The following CNTNAP2 variants were observed in gnomAD, a reference collection of about 807,000 sequenced individuals.
CNTNAP2 encodes the protein contactin associated protein 2.
Under a neutral mutation model 155.2 loss-of-function variants are expected in CNTNAP2, and 98 were observed. That is an observed-to-expected ratio of 0.63 (90% confidence interval 0.54 to 0.75). CNTNAP2 has a LOEUF of 0.75. Among genes scored for constraint, CNTNAP2 ranks in the 30% least tolerant of loss-of-function variants. The pLI is 0.00. For missense variants in CNTNAP2, 1,727 were observed against 1,688.1 expected, an observed-to-expected ratio of 1.02 and a Z score of -0.40; for synonymous variants, 651 against 631.2, an observed-to-expected ratio of 1.03 and a Z score of -0.47.
At chr7:146,866,799 G>A (rs1279536779) in intron 3 of CNTNAP2, among the ~76,000 whole-genome samples, 1 of 152,056 alleles carries the variant, frequency 6.6e-6, no homozygotes, top group Admixed American at 6.6e-5. Flanking sequence ...CAATATTTCT[G>A]CAATCAATTA....
intron 11 of CNTNAP2, among the ~76,000 whole-genome samples, chr7:147,540,023 A>G (rs1799612228): frequency 1.3e-5 from 2 of 152,196 alleles, no homozygotes; most frequent in South Asian, 4.1e-4. Context: ...TCTCATGTCT[A>G]GGCTGATACC....
chr7:148,053,387 T>C (rs1802930592), intron 15 of CNTNAP2, among the ~76,000 whole-genome samples: 1 of 152,188 alleles, frequency 6.6e-6, no homozygotes, highest in African/African-American at 2.4e-5. Context: ...CTAGGAAATG[T>C]ATGTATCTCA....
chr7:146,505,550 C>T (rs1009107281), intron 1 of CNTNAP2, among the ~76,000 whole-genome samples: 1 of 152,168 alleles, frequency 6.6e-6, no homozygotes, highest in Non-Finnish European at 1.5e-5. Flanking sequence ...TGGAGACTTC[C>T]TTCCCTGGCC....
chr7:146,668,719 A>G (rs1800244358), intron 1 of CNTNAP2, among the ~76,000 whole-genome samples: 1 of 152,010 alleles, frequency 6.6e-6, no homozygotes, highest in South Asian at 2.1e-4. Flanking sequence ...TTCCTGGTCC[A>G]ATCTTGGTAA....
At chr7:147,328,728 A>T in intron 9 of CNTNAP2, among the ~76,000 whole-genome samples, 1 of 152,182 alleles carries the variant, frequency 6.6e-6, no homozygotes, top group East Asian at 1.9e-4. Context: ...ATTGGAGAGG[A>T]AGCCCCCACC....
intron 13 of CNTNAP2, among the ~76,000 whole-genome samples, chr7:147,878,624 C>T (rs1023846701): frequency 4.0e-5 from 6 of 151,884 alleles, no homozygotes; most frequent in African/African-American, 1.5e-4. Context: ...TTATACTTGG[C>T]CCGTTATTGT....
chr7:147,926,057 A>AATATATTT (rs1214523087), intron 14 of CNTNAP2, among the ~76,000 whole-genome samples: 3 of 152,236 alleles, frequency 2.0e-5, no homozygotes, highest in African/African-American at 7.2e-5. Flanking sequence ...TGTGAAAACA[A>AATATATTT]ATATATTTAA....
chr7:147,877,319 C>T (rs545004934), intron 13 of CNTNAP2, among the ~76,000 whole-genome samples: 1 of 152,244 alleles, frequency 6.6e-6, no homozygotes, highest in South Asian at 2.1e-4. Flanking sequence ...TAAATGTTAA[C>T]CAATCGGTCA....
chr7:146,988,526 C>A (rs1031508985), intron 3 of CNTNAP2, among the ~76,000 whole-genome samples: 1 of 152,104 alleles, frequency 6.6e-6, no homozygotes, highest in Non-Finnish European at 1.5e-5. Flanking sequence ...TTCGAGATTT[C>A]ACTAAATTCT....
chr7:146,129,862 T>G (rs1321136203), intron 1 of CNTNAP2, among the ~76,000 whole-genome samples: 1 of 152,182 alleles, frequency 6.6e-6, no homozygotes, highest in Non-Finnish European at 1.5e-5. Context: ...TATTGAATCA[T>G]TCCAATTAGT....
At chr7:147,185,692 G>A (rs936553246) in intron 8 of CNTNAP2, among the ~76,000 whole-genome samples, 2 of 152,064 alleles carry the variant, frequency 1.3e-5, no homozygotes, top group African/African-American at 4.8e-5. Flanking sequence ...ACTCAAATGA[G>A]TATAAAACAA....
intron 14 of CNTNAP2, among the ~76,000 whole-genome samples, chr7:147,915,354 G>A (rs1388803299): frequency 1.3e-5 from 2 of 152,172 alleles, no homozygotes; most frequent in Non-Finnish European, 2.9e-5. Flanking sequence ...TGAGTTCTGT[G>A]GAACTCATGT....
chr7:147,193,978 G>C (rs369286240), intron 8 of CNTNAP2, among the ~76,000 whole-genome samples: 1 of 151,798 alleles, frequency 6.6e-6, no homozygotes, highest in Non-Finnish European at 1.5e-5. Flanking sequence ...AAAAAAAAGT[G>C]GGGGGAGATA....
At chr7:146,662,831 CT>C (rs1340445944) in intron 1 of CNTNAP2, among the ~76,000 whole-genome samples, 3 of 152,092 alleles carry the variant, frequency 2.0e-5, no homozygotes, top group African/African-American at 7.2e-5. Context: ...ACCATATTTT[CT>C]CCTTTTAATT....
chr7:146,245,602 T>A (rs563564401), intron 1 of CNTNAP2, among the ~76,000 whole-genome samples: 1 of 152,080 alleles, frequency 6.6e-6, no homozygotes, highest in South Asian at 2.1e-4. Context: ...AAGGAGTTGT[T>A]GTTTTGTAAG....
chr7:147,520,843 T>C (rs1364858970), intron 11 of CNTNAP2, among the ~76,000 whole-genome samples: 1 of 152,248 alleles, frequency 6.6e-6, no homozygotes, highest in Non-Finnish European at 1.5e-5. Flanking sequence ...AGAAGGCCCA[T>C]GCTCAGCTTC....
chr7:147,073,890 G>A (rs1444511639), intron 4 of CNTNAP2, among the ~76,000 whole-genome samples: 1 of 152,156 alleles, frequency 6.6e-6, no homozygotes, highest in Non-Finnish European at 1.5e-5. Context: ...GAAGGGTGGG[G>A]TTAGGAGATT....
intron 19 of CNTNAP2, among the ~76,000 whole-genome samples, chr7:148,225,721 C>T (rs1232045987): frequency 6.6e-6 from 1 of 152,084 alleles, no homozygotes; most frequent in Non-Finnish European, 1.5e-5. Flanking sequence ...ACACTGGTGG[C>T]TTGGTCCAGG....
chr7:146,215,008 C>T (rs1041017907), intron 1 of CNTNAP2, among the ~76,000 whole-genome samples: 14 of 152,100 alleles, frequency 9.2e-5, no homozygotes, highest in South Asian at 4.1e-4. Flanking sequence ...AAATCTGCTC[C>T]GTTTGATAAT....
Sources: allele counts gnomAD v4.1 joint callset (sites outside exome capture counted in the v4.1 genomes callset), GRCh38; gene constraint gnomAD v4.1.1; transcripts MANE v1.5; gene names NCBI Gene and HGNC (gene_info 2026-07-23, HGNC 2026-07-21).